Variants in PRDM16 observed in about 807,000 individuals in gnomAD.
PRDM16 encodes the protein PR/SET domain 16, also known as histone-lysine N-methyltransferase PRDM16.
Under a neutral mutation model 110.6 loss-of-function variants are expected in PRDM16, and 23 were observed. The ratio of observed to expected loss-of-function variants is 0.21; its 90% confidence interval spans 0.15 to 0.29. The LOEUF (loss-of-function observed/expected upper bound fraction) is 0.29. PRDM16 is among the 10% of genes least tolerant of loss of function. PRDM16 has a pLI of 1.00. For synonymous variants in PRDM16, 799 were observed against 781.8 expected (o/e 1.02, Z -0.37); for missense variants, 1,615 against 1,794.3 (o/e 0.90, Z 1.81).
chr1:3,229,254 G>T (rs367627490), intron 2 of PRDM16, among the ~76,000 whole-genome samples: 1 of 152,212 alleles, frequency 6.6e-6, no homozygotes, highest in East Asian at 1.9e-4. Flanking sequence ...CGGGCTGGGT[G>T]GACAGGTGTC....
rs115926021 is a variant in PRDM16 at position 3,287,112 on chromosome 1, G to T, written c.438+42975G>T. On this transcript the variant is annotated intron_variant, in intron 3 of 16. Coordinates refer to ENST00000270722, the MANE Select transcript of PRDM16 (RefSeq NM_022114.4). ...GGAGTCTTCCTGGGGTCAGCAGGAG[G>T]CCTGCCCCACTGGGGCGGCAGCATG... Among the ~76,000 whole-genome samples the T allele has an allele frequency of 5.0e-3, 759 of 152,324 alleles. 4 individuals are homozygous for T. The highest frequency in any genetic ancestry group is 0.018 in the African/African-American group (731 of 41,572).
rs148748613 is a variant in PRDM16, at chr1:3,404,102, G to A, written c.885-637G>A. Among the ~76,000 whole-genome samples the A allele has an allele frequency of 2.9e-3, 448 of 152,286 alleles. 2 individuals are homozygous for A. Among genetic ancestry groups the A allele is most frequent in the African/African-American group, 9.9e-3 (413 of 41,554 alleles). On this transcript the variant is annotated intron_variant, in intron 6 of 16. Coordinates refer to ENST00000270722, the MANE Select transcript of PRDM16 (RefSeq NM_022114.4). The stretch of plus-strand genomic sequence containing the variant: ...TGATCTGAATGGATGGCTGGGCCCC[G>A]TAATTAACGAGCCGTGATATATCAC...
Position 3,385,410 on chromosome 1 carries a change from CCTGGCCTGCAGTGGGGGTG to C in PRDM16, c.573+128_573+146del, listed in dbSNP as rs1167278142. On this transcript the variant is annotated intron_variant, in intron 4 of 16. Transcript: ENST00000270722. ...GCCTCTTTGGGGACATCTGCCAAGC[CCTGGCCTGCAGTGGGGGTG>C]CTGTTTGGTGCTTGGCCAGCACTGG... The C allele has an allele frequency of 9.2e-6, 10 of 1,089,682 alleles. No homozygotes were observed. The African/African-American group carries it at 1.1e-4, about 12-fold the overall frequency. The allele number at this position is 1,089,682 out of a possible 1,614,324, so 67.5% of individuals were successfully genotyped here. A position where few individuals can be genotyped will look rare whatever the true frequency, so the allele number is the denominator to read the frequency against.
chr1:3,364,364 C>A lies in PRDM16; in HGVS notation c.439-20788C>A, dbSNP rs562744359. 4.6e-5 allele frequency among the ~76,000 whole-genome samples: 7 copies of A among 152,304 alleles called. No individual in the cohort carries two copies. The East Asian group carries it at 1.4e-3, about 29-fold the overall frequency. ...CAAGTCGTCCTGCCTGGCAGCCTCA[C>A]CTTGACCTGGTAATTTACAAACCCA... On this transcript the variant is annotated intron_variant, in intron 3 of 16. Coordinates refer to ENST00000270722, the MANE Select transcript of PRDM16 (RefSeq NM_022114.4).
intron 3 of PRDM16, among the ~76,000 whole-genome samples, chr1:3,297,081 G>A (rs1641104707): frequency 6.6e-6 from 1 of 152,172 alleles, no homozygotes; most frequent in South Asian, 2.1e-4. Context: ...GGTTTCCACT[G>A]AATGCGCGCA....
intron 4 of PRDM16, among the ~76,000 whole-genome samples, chr1:3,389,964 C>G (rs1353801699): frequency 7.5e-6 from 1 of 133,064 alleles, no homozygotes; most frequent in African/African-American, 2.6e-5. Flanking sequence ...CCCCCCCCCC[C>G]CACCCTCTGG....
chr1:3,128,586 G>A (rs1321235653), intron 1 of PRDM16, among the ~76,000 whole-genome samples: 2 of 152,326 alleles, frequency 1.3e-5, no homozygotes, highest in South Asian at 2.1e-4. Context: ...TCTCACTCGG[G>A]AACCCAGAGG....
At chr1:3,102,946 G>T (rs892590285) in intron 1 of PRDM16, among the ~76,000 whole-genome samples, 17 of 152,218 alleles carry the variant, frequency 1.1e-4, no homozygotes, top group Non-Finnish European at 2.2e-4. Flanking sequence ...GAGTCTGAAT[G>T]TATCATTTCC....
At chr1:3,291,925 G>A (rs547864283) in intron 3 of PRDM16, among the ~76,000 whole-genome samples, 5 of 152,344 alleles carry the variant, frequency 3.3e-5, no homozygotes, top group African/African-American at 2.4e-5. Context: ...CCCCTCCTGG[G>A]CCTGTCTCCC....
At position 3,200,499 on chromosome 1, in the gene PRDM16, C is replaced by T. The variant is rs375784933; in HGVS notation, c.387+14025C>T. ...CTGGGACTACAGGCGCCCGCCACCA[C>T]GCCTGGCTAATTTTTTGTATTTTTA... On this transcript the variant is annotated intron_variant, in intron 2 of 16. Transcript: ENST00000270722. Among the ~76,000 whole-genome samples the T allele has an allele frequency of 1.1e-3, 169 of 152,258 alleles. 1 individual carries two copies. The highest frequency in any genetic ancestry group is 3.7e-3 in the African/African-American group (155 of 41,564).
intron 1 of PRDM16, among the ~76,000 whole-genome samples, chr1:3,162,612 G>T (rs939135680): frequency 6.6e-6 from 1 of 152,254 alleles, no homozygotes; most frequent in African/African-American, 2.4e-5. Flanking sequence ...CCCAGGAAGT[G>T]AATCATTTAG....
intron 1 of PRDM16, among the ~76,000 whole-genome samples, chr1:3,105,551 TG>T (rs1642633774): frequency 6.6e-6 from 1 of 152,222 alleles, no homozygotes; most frequent in African/African-American, 2.4e-5. Flanking sequence ...GTGTGCACTT[TG>T]TTCCCGGCAT....
chr1:3,204,156 A>G (rs554645561), intron 2 of PRDM16, among the ~76,000 whole-genome samples: 1 of 152,356 alleles, frequency 6.6e-6, no homozygotes, highest in African/African-American at 2.4e-5. Context: ...AGCCAATTCC[A>G]GTATTTTCCA....
intron 1 of PRDM16, among the ~76,000 whole-genome samples, chr1:3,165,241 T>TGACTTACCTGGGCTCAGGGACAGG (rs1557495475): frequency 1.5e-5 from 2 of 129,960 alleles, no homozygotes. Context: ...TCAGGGACAG[T>TGACTTACCTGGGCTCAGGGACAGG]GACTTACCTG....
At chr1:3,372,590 CT>C (rs1642925567) in intron 3 of PRDM16, among the ~76,000 whole-genome samples, 1 of 152,226 alleles carries the variant, frequency 6.6e-6, no homozygotes, top group African/African-American at 2.4e-5. Context: ...TCTTTCCAAT[CT>C]TTGCTATGCT....
intron 1 of PRDM16, among the ~76,000 whole-genome samples, chr1:3,092,880 G>A (rs1054842459): frequency 2.6e-5 from 4 of 152,166 alleles, no homozygotes; most frequent in Non-Finnish European, 5.9e-5. Context: ...ATTTGCAGCT[G>A]TGGCCCCTTT....
rs963676828 is a variant in PRDM16, at chr1:3,157,184, G to A, written c.38-28941G>A. On this transcript the variant is annotated intron_variant, in intron 1 of 16. Transcript: ENST00000270722. This position sits in a 1 kb window ranked among gnomAD's most constrained non-coding sequence, Gnocchi z 4.8. ...GGGCGGGACCTGGAGAAGGAGGGCC[G>A]CTCGGCAACCGCTGAGCCGGCGCAA... is the stretch of plus-strand genomic sequence containing the variant. 7.0e-4 allele frequency among the ~76,000 whole-genome samples: 106 copies of A among 152,112 alleles called. 1 individual carries two copies. Among genetic ancestry groups the A allele is most frequent in the African/African-American group, 2.2e-3 (90 of 41,430 alleles).
chr1:3,109,148 G>C (rs4648453), intron 1 of PRDM16, among the ~76,000 whole-genome samples: 3 of 151,644 alleles, frequency 2.0e-5, no homozygotes, highest in South Asian at 4.2e-4. Flanking sequence ...TGAAAAACAG[G>C]TGTGTCCCAT....
intron 1 of PRDM16, among the ~76,000 whole-genome samples, chr1:3,105,343 T>A (rs1462104013): frequency 6.6e-6 from 1 of 152,224 alleles, no homozygotes; most frequent in East Asian, 1.9e-4. Flanking sequence ...GGCTTCGGTC[T>A]GCACTGCAGC....
Sources: allele counts gnomAD v4.1 joint callset (sites outside exome capture counted in the v4.1 genomes callset), GRCh38; gene constraint gnomAD v4.1.1; non-coding constraint Gnocchi (gnomAD v3.1); transcripts MANE v1.5; gene names NCBI Gene and HGNC (gene_info 2026-07-23, HGNC 2026-07-21).